Variants in BIRC2 observed in about 807,000 individuals in gnomAD.
BIRC2 encodes the protein baculoviral IAP repeat-containing protein 2.
BIRC2 carries 18 observed loss-of-function variants against 60.9 expected under a neutral mutation model. The observed-to-expected ratio is 0.30, with a 90% CI of 0.20 to 0.44. The LOEUF is 0.44. BIRC2 is among the 20% of genes least tolerant of loss of function. The probability of loss-of-function intolerance (pLI) is 1.00; values close to 1 mark genes in which losing one functional copy is unlikely to be tolerated. For synonymous variants in BIRC2, 282 were observed against 247.7 expected (o/e 1.14, Z -1.30); for missense variants, 701 against 728.5 (o/e 0.96, Z 0.43).
Position 102,349,774 on chromosome 11 carries a change from C to A in BIRC2, c.-81C>A. ...CTACATAAGAGTCTATCATTGATTT[C>A]TTTTTGTGGTAAAAATCTTAGTTCA... On this transcript the variant is annotated 5_prime_UTR_variant, in exon 2 of 9. Transcript: ENST00000227758. 7.2e-7 allele frequency: 1 copy of A among 1,387,182 alleles called. No homozygotes were observed. The highest frequency in any genetic ancestry group is 1.4e-5 in the South Asian group (1 of 70,410). The allele number at this position is 1,387,182 out of a possible 1,614,324, so 85.9% of individuals were successfully genotyped here.
At chr11:102,371,931 C>G (rs1442819232) in intron 6 of BIRC2, among the ~76,000 whole-genome samples, 1 of 152,106 alleles carries the variant, frequency 6.6e-6, no homozygotes, top group Non-Finnish European at 1.5e-5. Context: ...TCCATTTCTT[C>G]TAGATTTTCT....
chr11:102,349,657 GTGTTC>G lies in BIRC2; in HGVS notation c.-196_-192del, dbSNP rs1327325923. On this transcript the variant is annotated 5_prime_UTR_variant, in exon 2 of 9. Coordinates refer to ENST00000227758, the MANE Select transcript of BIRC2 (RefSeq NM_001166.5). ...AGAGTTACTACAACCCCAAAGAGTT[GTGTTC>G]TAAGTAGTATCTTGGTAATTCAGAG... 1 of 529,950 alleles carries G rather than the reference GTGTTC, an allele frequency of 1.9e-6. No individual in the cohort carries two copies. Among genetic ancestry groups the G allele is most frequent in the Non-Finnish European group, 3.2e-6 (1 of 312,210 alleles). The allele number at this position is 529,950 out of a possible 1,614,324, so 32.8% of individuals were successfully genotyped here. A position where few individuals can be genotyped will look rare whatever the true frequency, so the allele number is the denominator to read the frequency against.
At chr11:102,376,684 G>A (rs1482994459) in intron 6 of BIRC2, among the ~76,000 whole-genome samples, 3 of 152,036 alleles carry the variant, frequency 2.0e-5, no homozygotes, top group Non-Finnish European at 4.4e-5. Context: ...TTTAAAAAAA[G>A]GTCAGGCTTG....
intron 5 of BIRC2, among the ~76,000 whole-genome samples, chr11:102,367,581 A>G (rs2135817692): frequency 6.6e-6 from 1 of 152,300 alleles, no homozygotes; most frequent in African/African-American, 2.4e-5. Flanking sequence ...ATTTTTTCAT[A>G]AAAGTATCAT....
At chr11:102,371,934 G>T (rs1277614048) in intron 6 of BIRC2, among the ~76,000 whole-genome samples, 1 of 152,124 alleles carries the variant, frequency 6.6e-6, no homozygotes, top group Non-Finnish European at 1.5e-5. Flanking sequence ...ATTTCTTCTA[G>T]ATTTTCTAGT....
rs779636887 is a variant in BIRC2, at chr11:102,350,232, G to T, written c.378G>T (p.Lys126Asn). ...CAGCTAGTCTGGGATCCACCTCTAA[G>T]AATACGTCTCCAATGAGAAACAGTT... ...LVSASLGSTS[K>N]NTSPMRNSFA... The change falls in exon 2 of 9, where the codon AAG becomes AAT. Residue 126 changes from lysine (K) to asparagine (N), a missense_variant. Physicochemically the swap from Lys to Asn is moderately conservative, Grantham distance 94 (BLOSUM62 0). Around this residue, in one of 4 missense-constraint regions of BIRC2, gnomAD observed 375 missense variants for 365.9 expected, o/e 1.02. Transcript: ENST00000227758. 1 of 1,614,194 alleles carries T rather than the reference G, an allele frequency of 6.2e-7. No individual in the cohort carries two copies. The highest frequency in any genetic ancestry group is 8.5e-7 in the Non-Finnish European group (1 of 1,180,036).
chr11:102,374,271 G>T (rs1951673345), intron 6 of BIRC2, among the ~76,000 whole-genome samples: 1 of 151,082 alleles, frequency 6.6e-6, no homozygotes, highest in African/African-American at 2.4e-5. Context: ...CAGCTTTTCT[G>T]TTCTGTTTTT....
rs1452563076 is a variant in BIRC2 at position 102,350,688 on chromosome 11, C to T, written c.834C>T (p.Tyr278=). 6.2e-7 allele frequency: 1 copy of T among 1,613,244 alleles called. No individual in the cohort carries two copies. The highest frequency in any genetic ancestry group is 1.1e-5 in the South Asian group (1 of 91,074). Residue 278 remains tyrosine (Y), a synonymous_variant, in exon 2 of 9, where the codon TAC becomes TAT. Coordinates refer to ENST00000227758, the MANE Select transcript of BIRC2 (RefSeq NM_001166.5). ...CAGCTCGAATGAGAACATTTATGTA[C>T]TGGCCATCTAGTGTTCCAGTTCAGC... ...THAARMRTFM[Y]WPSSVPVQPE...
rs1459656163 is a variant in BIRC2 at position 102,349,834 on chromosome 11, A to G, written c.-21A>G. ...ATTTCATGTGAATGTTTTAGCTATC[A>G]AACAGTACTGTCACCTACTCATGCA... On this transcript the variant is annotated 5_prime_UTR_variant, in exon 2 of 9. Transcript: ENST00000227758. 6 of 1,548,152 alleles carry G rather than the reference A, an allele frequency of 3.9e-6. No homozygotes were observed. In the African/African-American group the frequency reaches 6.9e-5, roughly 18 times the overall value.
intron 6 of BIRC2, among the ~76,000 whole-genome samples, chr11:102,369,929 T>A (rs1190351380): frequency 6.6e-6 from 1 of 151,380 alleles, no homozygotes; most frequent in Non-Finnish European, 1.5e-5. Flanking sequence ...TGATGAGCAT[T>A]TTTTCATGTG....
chr11:102,374,426 C>T (rs879890638), intron 6 of BIRC2, among the ~76,000 whole-genome samples: 24 of 147,696 alleles, frequency 1.6e-4, no homozygotes, highest in African/African-American at 2.5e-4. Context: ...AATACCCTGC[C>T]GTGTGAGGTG....
At chr11:102,375,390 A>G (rs1951698355) in intron 6 of BIRC2, among the ~76,000 whole-genome samples, 1 of 152,212 alleles carries the variant, frequency 6.6e-6, no homozygotes, top group African/African-American at 2.4e-5. Flanking sequence ...TAAGCTTGTA[A>G]GTAAAGACAG....
rs768172300 is a variant in BIRC2, at chr11:102,350,765, C to T, written c.895+16C>T. ...TATTATGTGGGTAAGAAGCAAATAACTATACATTTTATCATTTTATTTTAA... is the reference window on the plus strand; with the variant it reads ...TATTATGTGGGTAAGAAGCAAATAATTATACATTTTATCATTTTATTTTAA... On this transcript the variant is annotated intron_variant, in intron 2 of 8. Transcript: ENST00000227758. 6.2e-7 allele frequency: 1 copy of T among 1,603,850 alleles called. No individual in the cohort carries two copies. The highest frequency in any genetic ancestry group is 1.3e-5 in the African/African-American group (1 of 74,186).
intron 3 of BIRC2, among the ~76,000 whole-genome samples, chr11:102,362,083 A>G (rs905395564): frequency 6.6e-6 from 1 of 152,170 alleles, no homozygotes; most frequent in African/African-American, 2.4e-5. Flanking sequence ...TATCAATTTT[A>G]TCTTTTGTGG....
intron 5 of BIRC2, 58 bp from the exon 6 acceptor site, chr11:102,368,247 CT>C: frequency 6.5e-7 from 1 of 1,549,382 alleles, no homozygotes; most frequent in East Asian, 2.3e-5. Context: ...TGCCATGATA[CT>C]TTTTTCCATA....
At chr11:102,347,831 C>G (rs1951309808) in intron 1 of BIRC2, 1 of 152,204 alleles carries the variant, frequency 6.6e-6, no homozygotes, top group Non-Finnish European at 1.5e-5. Context: ...AGAAGCAACT[C>G]TGGGAAATTA....
At chr11:102,372,264 G>T (rs1951641372) in intron 6 of BIRC2, among the ~76,000 whole-genome samples, 1 of 152,100 alleles carries the variant, frequency 6.6e-6, no homozygotes, top group Non-Finnish European at 1.5e-5. Flanking sequence ...TGATATTAGG[G>T]TGTCAATTTT....
intron 6 of BIRC2, among the ~76,000 whole-genome samples, chr11:102,371,996 G>C (rs1167064072): frequency 6.6e-6 from 1 of 152,182 alleles, no homozygotes; most frequent in Non-Finnish European, 1.5e-5. Context: ...TTGTATTTCT[G>C]TGGGATCAGT....
intron 6 of BIRC2, among the ~76,000 whole-genome samples, chr11:102,375,054 G>A (rs1481866620): frequency 6.6e-6 from 1 of 152,240 alleles, no homozygotes; most frequent in Non-Finnish European, 1.5e-5. Flanking sequence ...CCACTGGCCT[G>A]CGCCCACTGT....
Sources: allele counts gnomAD v4.1 joint callset (sites outside exome capture counted in the v4.1 genomes callset), GRCh38; gene constraint gnomAD v4.1.1; regional missense constraint gnomAD v4.1.1; transcripts MANE v1.5; gene names NCBI Gene and HGNC (gene_info 2026-07-23, HGNC 2026-07-21).